CBFA2T2: variants seen among roughly 807,000 people sequenced by gnomAD.
CBFA2T2 encodes the protein CBFA2/RUNX1 partner transcriptional co-repressor 2, also known as protein CBFA2T2.
A neutral mutation model predicts 62.2 loss-of-function variants in CBFA2T2; 11 were observed. The observed-to-expected ratio is 0.18, with a 90% CI of 0.11 to 0.29. CBFA2T2 has a LOEUF of 0.29. Among genes scored for constraint, CBFA2T2 ranks in the 10% least tolerant of loss-of-function variants. The pLI, the probability that CBFA2T2 is intolerant of heterozygous loss-of-function variation, is 1.00. For missense variants in CBFA2T2, 592 were observed against 774.1 expected (o/e 0.76, Z 2.79); for synonymous variants, 295 against 287.5 (o/e 1.03, Z -0.27).
chr20:33,573,686 T>C (rs976123037), intron 1 of CBFA2T2, among the ~76,000 whole-genome samples: 6 of 152,040 alleles, frequency 3.9e-5, no homozygotes, highest in African/African-American at 1.4e-4. Flanking sequence ...TTTACCATAT[T>C]TGCCAGGCTG....
rs142989293 is a variant in CBFA2T2, at chr20:33,551,677, G to A, written c.35-55279G>A. Among the ~76,000 whole-genome samples, 273 of 151,542 alleles carry A rather than the reference G, an allele frequency of 1.8e-3. 1 individual carries two copies. Among genetic ancestry groups the A allele is most frequent in the African/African-American group, 6.0e-3 (247 of 41,280 alleles). On this transcript the variant is annotated intron_variant, in intron 1 of 10. Coordinates refer to ENST00000342704, the MANE Select transcript of CBFA2T2 (RefSeq NM_001032999.3). The stretch of plus-strand genomic sequence containing the variant: ...TCCCATCGTAGCTGGGATTACAGGC[G>A]TGTGTCACCACGCCCGGCTAATTTT...
chr20:33,536,858 G>C (rs1385287021), intron 1 of CBFA2T2, among the ~76,000 whole-genome samples: 7 of 151,068 alleles, frequency 4.6e-5, no homozygotes, highest in Non-Finnish European at 7.4e-5. Context: ...ATGGCGGCTG[G>C]GCAGAGACGC....
At chr20:33,576,432 A>C (rs2013829572) in intron 1 of CBFA2T2, among the ~76,000 whole-genome samples, 1 of 152,162 alleles carries the variant, frequency 6.6e-6, no homozygotes, top group African/African-American at 2.4e-5. Flanking sequence ...ATAGCCTTAT[A>C]TTTGCATGGT....
chr20:33,566,383 A>T (rs1459413294), intron 1 of CBFA2T2, among the ~76,000 whole-genome samples: 1 of 152,160 alleles, frequency 6.6e-6, no homozygotes, highest in African/African-American at 2.4e-5. Context: ...AAGTGAGCGG[A>T]TTACTTGAAG....
rs538030621 is a variant in CBFA2T2, at chr20:33,649,500, C to A, written c.*4854C>A. 6.6e-6 allele frequency: 1 copy of A among 152,622 alleles called. No homozygotes were observed. The highest frequency in any genetic ancestry group is 1.5e-5 in the Non-Finnish European group (1 of 68,096). The allele number at this position is 152,622 out of a possible 1,614,324, so 9.5% of individuals were successfully genotyped here. ...TGAGGGGCGGGCCTTGTGTCCCCTC[C>A]TCCCCCTCCACAGCCCCTGAGGTGG... On this transcript the variant is annotated 3_prime_UTR_variant, in exon 11 of 11. Transcript: ENST00000342704.
Position 33,594,430 on chromosome 20 carries a change from C to T in CBFA2T2, c.35-12526C>T, listed in dbSNP as rs6057870. 5.1e-4 allele frequency among the ~76,000 whole-genome samples: 77 copies of T among 152,116 alleles called. 1 individual carries two copies. The highest frequency in any genetic ancestry group is 3.4e-3 in the Middle Eastern group (1 of 294). On this transcript the variant is annotated intron_variant, in intron 1 of 10. Coordinates refer to ENST00000342704, the MANE Select transcript of CBFA2T2 (RefSeq NM_001032999.3). ...AGAGACAGGGTTTCACTGTGTTAGC[C>T]GGAATGGTCTCGATCTCTTGACCTC...
intron 1 of CBFA2T2, among the ~76,000 whole-genome samples, chr20:33,564,766 G>A (rs1159624680): frequency 6.6e-6 from 1 of 151,218 alleles, no homozygotes; most frequent in African/African-American, 2.4e-5. Context: ...TTTTTATACA[G>A]GTGGGGTTTT....
chr20:33,581,612 A>G (rs2014118147), intron 1 of CBFA2T2, among the ~76,000 whole-genome samples: 1 of 152,196 alleles, frequency 6.6e-6, no homozygotes, highest in African/African-American at 2.4e-5. Flanking sequence ...AACAGCTGTC[A>G]CACTGAATAA....
At chr20:33,500,172 G>C (rs1346570778) in intron 1 of CBFA2T2, among the ~76,000 whole-genome samples, 2 of 151,862 alleles carry the variant, frequency 1.3e-5, no homozygotes, top group Non-Finnish European at 2.9e-5. Flanking sequence ...TGGCCAGGCT[G>C]GTCTTGAACT....
chr20:33,623,954 G>GAAAAA (rs761906454), intron 5 of CBFA2T2: 12 of 320,924 alleles, frequency 3.7e-5, no homozygotes, highest in Middle Eastern at 3.8e-4. Context: ...GAAAGAATTG[G>GAAAAA]AAAAAAAAAA....
At chr20:33,520,108 G>A (rs2011690336) in intron 1 of CBFA2T2, among the ~76,000 whole-genome samples, 1 of 152,126 alleles carries the variant, frequency 6.6e-6, no homozygotes. Flanking sequence ...TCACGCCATT[G>A]CACTGGAGCC....
At chr20:33,566,701 A>G (rs773643404) in intron 1 of CBFA2T2, among the ~76,000 whole-genome samples, 3 of 152,210 alleles carry the variant, frequency 2.0e-5, no homozygotes, top group Non-Finnish European at 4.4e-5. Context: ...TTTGATCAGA[A>G]TTTAGAAGGA....
intron 1 of CBFA2T2, among the ~76,000 whole-genome samples, chr20:33,528,377 A>G (rs187856443): frequency 2.0e-5 from 3 of 152,246 alleles, no homozygotes; most frequent in Non-Finnish European, 2.9e-5. Flanking sequence ...TAAAGGTTGC[A>G]TGTGGAAAAT....
chr20:33,498,565 C>T (rs1292934775), intron 1 of CBFA2T2, among the ~76,000 whole-genome samples: 1 of 151,736 alleles, frequency 6.6e-6, no homozygotes, highest in Non-Finnish European at 1.5e-5. Context: ...ACCTAGTTTT[C>T]TTATATACAG....
intron 1 of CBFA2T2, among the ~76,000 whole-genome samples, chr20:33,540,397 G>A (rs1448588798): frequency 1.3e-5 from 2 of 152,146 alleles, no homozygotes; most frequent in Non-Finnish European, 2.9e-5. Flanking sequence ...GTAGCTAACA[G>A]CATGTTACTG....
chr20:33,546,773 G>A (rs1174950842), intron 1 of CBFA2T2, among the ~76,000 whole-genome samples: 1 of 152,016 alleles, frequency 6.6e-6, no homozygotes, highest in Non-Finnish European at 1.5e-5. Flanking sequence ...GGGATTACAG[G>A]CGTGAGCCAC....
chr20:33,601,896 C>T (rs2015154095), intron 1 of CBFA2T2: 1 of 152,084 alleles, frequency 6.6e-6, no homozygotes, highest in Admixed American at 6.6e-5. Context: ...CCTCGACCTC[C>T]TGGACTCAGG....
At chr20:33,495,544 C>G (rs1438807004) in intron 1 of CBFA2T2, among the ~76,000 whole-genome samples, 1 of 151,638 alleles carries the variant, frequency 6.6e-6, no homozygotes. Flanking sequence ...CAAAAAAAAT[C>G]AGCTGGGCGT....
chr20:33,629,215 A>G (rs1030382972), intron 7 of CBFA2T2, among the ~76,000 whole-genome samples: 8 of 152,302 alleles, frequency 5.3e-5, no homozygotes, highest in Middle Eastern at 3.4e-3. Flanking sequence ...CATGTTTCGT[A>G]GTTTTAGAAC....
Sources: allele counts gnomAD v4.1 joint callset (sites outside exome capture counted in the v4.1 genomes callset), GRCh38; gene constraint gnomAD v4.1.1; transcripts MANE v1.5; gene names NCBI Gene and HGNC (gene_info 2026-07-23, HGNC 2026-07-21).